Variants in RETN observed in about 807,000 individuals in gnomAD.
RETN encodes the protein C/EBP-epsilon regulated myeloid-specific secreted cysteine-rich protein precursor 1.
RETN carries 5 observed loss-of-function variants against 6.1 expected under a neutral mutation model. The observed-to-expected ratio is 0.82, with a 90% CI of 0.43 to 1.73. The LOEUF is 1.73. RETN is among the 40% of genes most tolerant of loss of function. The pLI, the probability that RETN is intolerant of heterozygous loss-of-function variation, is 0.02. For missense variants in RETN, 168 were observed against 142.5 expected, an observed-to-expected ratio of 1.18 and a Z score of -0.91; for synonymous variants, 62 against 59.2, an observed-to-expected ratio of 1.05 and a Z score of -0.22.
In RETN at chr19:7,670,332, T is replaced by A; in HGVS notation, c.310T>A (p.Cys104Ser). ...CATGGACTGGACCGGAGCGCGCTGC[T>A]GTCGTGTGCAGCCCTGAGGTCGCGC... ...AGMDWTGARCCRVQP is the reference protein window; with the variant it reads ...AGMDWTGARCSRVQP The change falls in exon 4 of 4, where the codon TGT becomes AGT. Residue 104 changes from cysteine (C) to serine (S), a missense_variant. Coordinates refer to ENST00000221515, the MANE Select transcript of RETN (RefSeq NM_020415.4). The A allele has an allele frequency of 1.3e-6, 2 of 1,560,570 alleles. No individual in the cohort carries two copies. The highest frequency in any genetic ancestry group is 1.7e-6 in the Non-Finnish European group (2 of 1,158,070).
Position 7,669,171 on chromosome 19 carries a change from G to T in RETN, c.-11+50G>T, listed in dbSNP as rs2032446959. 3 of 659,584 alleles carry T rather than the reference G, an allele frequency of 4.5e-6. No individual in the cohort carries two copies. In the Admixed American group the frequency reaches 7.4e-5, roughly 16 times the overall value. The allele number at this position is 659,584 out of a possible 1,614,324, so 40.9% of individuals were successfully genotyped here. A position where few individuals can be genotyped will look rare whatever the true frequency, so the allele number is the denominator to read the frequency against. The stretch of plus-strand genomic sequence containing the variant: ...TGCCATGGCACCAGCGGGGAGGCTG[G>T]GGTCAAGGCTGAGCCTCCATCCCTG... On this transcript the variant is annotated intron_variant, in intron 1 of 3. Coordinates refer to ENST00000221515, the MANE Select transcript of RETN (RefSeq NM_020415.4).
At position 7,670,207 on chromosome 19, in the gene RETN, TC is replaced by T; in HGVS notation, c.197-10del. The T allele has an allele frequency of 6.3e-7, 1 of 1,578,072 alleles. No homozygotes were observed. The highest frequency in any genetic ancestry group is 8.6e-7 in the Non-Finnish European group (1 of 1,165,132). On this transcript the variant is annotated splice_polypyrimidine_tract_variant and intron_variant, in intron 3 of 3. Coordinates refer to ENST00000221515, the MANE Select transcript of RETN (RefSeq NM_020415.4). ...CAGCTCAGAGTCCACGCTCCTGTGT[TC>T]CGGGCTGCAGGCTTCGCCGTCACCG... is the stretch of plus-strand genomic sequence containing the variant.
rs544544684 is a variant in RETN, at chr19:7,669,682, A to C, written c.119-139A>C. The C allele has an allele frequency of 4.3e-5, 34 of 797,498 alleles. No individual in the cohort carries two copies. In the East Asian group the frequency reaches 8.7e-4, roughly 20 times the overall value. 49.4% of individuals were successfully genotyped at this position (797,498 alleles called of 1,614,324 possible). ...ACCTTCCCTTACTCCAAAACACCCA[A>C]CTCAAGACAGGGTCCTGGAGGCCAG... is the stretch of plus-strand genomic sequence containing the variant. On this transcript the variant is annotated intron_variant, in intron 2 of 3. Coordinates refer to ENST00000221515, the MANE Select transcript of RETN (RefSeq NM_020415.4).
At chr19:7,670,177 C>G (rs779162616) in intron 3 of RETN, 42 bp from the exon 4 acceptor site, 1 of 1,542,478 alleles carries the variant, frequency 6.5e-7, no homozygotes, top group South Asian at 1.2e-5. Flanking sequence ...CCACCCTCAG[C>G]CTCCCAGCTC....
At chr19:7,669,970 A>ACGTTCCC in intron 3 of RETN, 72 bp downstream of exon 3, 1 of 1,182,788 alleles carries the variant, frequency 8.5e-7, no homozygotes, top group East Asian at 2.4e-5. Flanking sequence ...CCTCCCCGCC[A>ACGTTCCC]CGTTCCCCGT....
chr19:7,670,111 C>CGGGGGGGGGGGGGGGGGGGGGGGGGG, intron 3 of RETN, 108 bp from the exon 4 acceptor site: 2 of 614,738 alleles, frequency 3.3e-6, no homozygotes, highest in Non-Finnish European at 5.9e-6. Context: ...CAGCCGTCCC[C>CGGGGGGGGGGGGGGGGGGGGGGGGGG]GTCCCCACCC....
At position 7,669,347 on chromosome 19, in the gene RETN, C is replaced by A; in HGVS notation, c.21C>A (p.Leu7=). The A allele has an allele frequency of 4.3e-6, 7 of 1,613,858 alleles. No homozygotes were observed. The highest frequency in any genetic ancestry group is 5.9e-6 in the Non-Finnish European group (7 of 1,179,866). Residue 7 remains leucine (L), a synonymous_variant, in exon 2 of 4, where the codon CTC becomes CTA. Coordinates refer to ENST00000221515, the MANE Select transcript of RETN (RefSeq NM_020415.4). ...GCAGGATGAAAGCTCTCTGTCTCCT[C>A]CTCCTCCCTGTCCTGGGGCTGTTGG... MKALCL[L]LLPVLGLLVS...
Position 7,669,829 on chromosome 19 carries a change from G to C in RETN, c.127G>C (p.Ala43Pro). Residue 43 changes from alanine (A) to proline (P), a missense_variant, in exon 3 of 4, where the codon GCA becomes CCA. By Grantham distance (27) the Ala-to-Pro change is conservative. Coordinates refer to ENST00000221515, the MANE Select transcript of RETN (RefSeq NM_020415.4). ...TTCCTCCTGCCCCCCAGTATTTAGG[G>C]CAATAAGCAGCATTGGCCTGGAGTG... is the stretch of plus-strand genomic sequence containing the variant. ...QEVAGSLIFR[A>P]ISSIGLECQS... 1.2e-6 allele frequency: 2 copies of C among 1,614,066 alleles called. No individual in the cohort carries two copies. Among genetic ancestry groups the C allele is most frequent in the Non-Finnish European group, 1.7e-6 (2 of 1,179,966 alleles).
intron 3 of RETN, 77 bp downstream of exon 3, chr19:7,669,975 C>T: frequency 1.7e-6 from 2 of 1,163,972 alleles, no homozygotes; most frequent in East Asian, 2.4e-5. Context: ...CCGCCACGTT[C>T]CCCGTGTCCA....
intron 3 of RETN, 73 bp from the exon 4 acceptor site, chr19:7,670,146 C>T: frequency 1.8e-6 from 1 of 550,748 alleles, no homozygotes; most frequent in Non-Finnish European, 3.3e-6. Context: ...CCCCTCCGCG[C>T]TCCCCACCCC....
chr19:7,669,186 C>T, intron 1 of RETN, 65 bp downstream of exon 1: 1 of 700,888 alleles, frequency 1.4e-6, no homozygotes, highest in Non-Finnish European at 2.5e-6. Flanking sequence ...AAGGCTGAGC[C>T]TCCATCCCTG....
Position 7,670,326 on chromosome 19 carries a change from C to G in RETN, c.304C>G (p.Arg102Gly), listed in dbSNP as rs2032480649. 2 of 1,564,118 alleles carry G rather than the reference C, an allele frequency of 1.3e-6. No individual in the cohort carries two copies. Among genetic ancestry groups the G allele is most frequent in the Non-Finnish European group, 1.7e-6 (2 of 1,160,032 alleles). Reference sequence around the variant, plus strand: ...CGCGGGCATGGACTGGACCGGAGCGCGCTGCTGTCGTGTGCAGCCCTGAGG... The same window carrying G: ...CGCGGGCATGGACTGGACCGGAGCGGGCTGCTGTCGTGTGCAGCCCTGAGG... ...QCAGMDWTGA[R>G]CCRVQP Residue 102 changes from arginine (R) to glycine (G), a missense_variant, in exon 4 of 4, where the codon CGC becomes GGC. Transcript: ENST00000221515.
At position 7,669,755 on chromosome 19, in the gene RETN, G is replaced by A. The variant is rs1229818884; in HGVS notation, c.119-66G>A. 5 of 1,429,778 alleles carry A rather than the reference G, an allele frequency of 3.5e-6. No homozygotes were observed. The African/African-American group carries it at 5.6e-5, about 16-fold the overall frequency. 88.6% of individuals were successfully genotyped at this position (1,429,778 alleles called of 1,614,324 possible). A position where few individuals can be genotyped will look rare whatever the true frequency, so the allele number is the denominator to read the frequency against. The stretch of plus-strand genomic sequence containing the variant: ...CCTAGCTCCAAACCAACAGGGCTAG[G>A]GGAGGATGGGGGAGGGACCGTTTGG... On this transcript the variant is annotated intron_variant, in intron 2 of 3. Transcript: ENST00000221515.
intron 2 of RETN, 102 bp from the exon 3 acceptor site, chr19:7,669,719 G>A: frequency 9.7e-7 from 1 of 1,032,496 alleles, no homozygotes; most frequent in Non-Finnish European, 1.5e-6. Flanking sequence ...GAGCTCCTAT[G>A]CCCACAGGGA....
At chr19:7,669,247 C>T in intron 1 of RETN, 70 bp from the exon 2 acceptor site, 1 of 1,094,210 alleles carries the variant, frequency 9.1e-7, no homozygotes, top group East Asian at 2.4e-5. Flanking sequence ...ATCCTACTCC[C>T]TCCATGGGCC....
rs1019416240 is a variant in RETN, at chr19:7,670,408, CG to C, written c.*64del. 8.6e-6 allele frequency: 13 copies of C among 1,506,344 alleles called. No homozygotes were observed. In the East Asian group the frequency reaches 2.7e-4, roughly 32 times the overall value. The allele number at this position is 1,506,344 out of a possible 1,614,324, so 93.3% of individuals were successfully genotyped here. On this transcript the variant is annotated 3_prime_UTR_variant, in exon 4 of 4. Transcript: ENST00000221515. ...GGCGGCTCCAGGTCCGGAGGGGTTG[CG>C]GGGGAGCTGGAAATAAACCTGGAGA...
At chr19:7,670,113 T>TCCCCCCCCCC in intron 3 of RETN, 106 bp from the exon 4 acceptor site, 3 of 465,518 alleles carry the variant, frequency 6.4e-6, no homozygotes, top group Non-Finnish European at 1.2e-5. Flanking sequence ...GCCGTCCCCG[T>TCCCCCCCCCC]CCCCACCCCC....
At chr19:7,669,994 TC>T in intron 3 of RETN, 96 bp downstream of exon 3, 1 of 1,031,472 alleles carries the variant, frequency 9.7e-7, no homozygotes. Flanking sequence ...CAGCCTCTAC[TC>T]CCCTAGGATC....
downstream of RETN, chr19:7,670,455 ATGATGATGG>A (rs1476661544): frequency 3.7e-5 from 11 of 295,678 alleles, no homozygotes; most frequent in East Asian, 6.6e-4. Flanking sequence ...GATGATGATG[ATGATGATGG>A]AGCGGATCTG....
Sources: gnomAD v4.1 joint callset for allele counts on GRCh38, gnomAD v4.1.1 for gene constraint, MANE v1.5 for transcripts, NCBI Gene and HGNC (gene_info 2026-07-23, HGNC 2026-07-21) for gene names.